Variants in CDH4 observed in about 807,000 individuals in gnomAD.
CDH4 encodes cadherin 4.
A neutral mutation model predicts 86.0 loss-of-function variants in CDH4; 33 were observed. The ratio of observed to expected loss-of-function variants is 0.38; its 90% CI spans 0.29 to 0.51. The LOEUF (loss-of-function observed/expected upper bound fraction) is 0.51, where lower values mean the gene tolerates loss of function less well. Among genes scored for constraint, CDH4 ranks in the 20% least tolerant of loss-of-function variants. The pLI, the probability that CDH4 is intolerant of heterozygous loss-of-function variation, is 0.86. For missense variants in CDH4, 1,114 were observed against 1,307.4 expected (o/e 0.85, Z 2.28); for synonymous variants, 555 against 549.4 (o/e 1.01, Z -0.14).
chr20:61,455,655 T>G (rs1438347437), intron 2 of CDH4, among the ~76,000 whole-genome samples: 1 of 152,194 alleles, frequency 6.6e-6, no homozygotes, highest in Non-Finnish European at 1.5e-5. Context: ...GTGCATTCAC[T>G]GCCCCGGCCT....
intron 2 of CDH4, among the ~76,000 whole-genome samples, chr20:61,707,495 G>A (rs1433414205): frequency 2.6e-5 from 4 of 152,236 alleles, no homozygotes; most frequent in East Asian, 1.9e-4. Context: ...GTGGACACGT[G>A]TGAGTGCCGT....
At chr20:61,432,771 C>T (rs2085254854) in intron 2 of CDH4, among the ~76,000 whole-genome samples, 1 of 151,584 alleles carries the variant, frequency 6.6e-6, no homozygotes, top group Non-Finnish European at 1.5e-5. Flanking sequence ...ACCTCAAAGT[C>T]ACCTCATGTT....
chr20:61,565,331 ATGGTGGTAGTGGTCCTCT>A (rs2086282764), intron 2 of CDH4, among the ~76,000 whole-genome samples: 3 of 16,532 alleles, frequency 1.8e-4, no homozygotes, highest in South Asian at 5.7e-3. Flanking sequence ...GCTCTTGGTG[ATGGTGGTAGTGGTCCTCT>A]TGGTGATGGG....
intron 2 of CDH4, among the ~76,000 whole-genome samples, chr20:61,413,368 C>T (rs1459956300): frequency 1.3e-5 from 2 of 152,108 alleles, no homozygotes; most frequent in Non-Finnish European, 2.9e-5. Flanking sequence ...AGGGGTGTGT[C>T]ACCAGCTTGC....
intron 2 of CDH4, among the ~76,000 whole-genome samples, chr20:61,574,424 C>T (rs1240322887): frequency 1.3e-5 from 2 of 152,222 alleles, no homozygotes; most frequent in South Asian, 2.1e-4. Context: ...AGAGAAGGCA[C>T]AGCCTTTAAA....
At chr20:61,648,450 C>T (rs551397390) in intron 2 of CDH4, among the ~76,000 whole-genome samples, 4 of 152,294 alleles carry the variant, frequency 2.6e-5, no homozygotes, top group African/African-American at 9.6e-5. Flanking sequence ...CAGGTCCAAC[C>T]GAGCTGGAGG....
At chr20:61,738,561 A>G (rs868863) in intron 2 of CDH4, 86,253 of 152,076 alleles carry the variant, frequency 0.57, 24,712 homozygotes, top group East Asian at 0.65. Flanking sequence ...GTGGGGGCCA[A>G]CACCCCAGCA....
intron 2 of CDH4, among the ~76,000 whole-genome samples, chr20:61,732,031 T>C (rs944737146): frequency 6.6e-6 from 1 of 152,146 alleles, no homozygotes; most frequent in African/African-American, 2.4e-5. Flanking sequence ...GACTCTGTCC[T>C]CTCTCTCCCT....
chr20:61,565,504 G>A (rs2086291050), intron 2 of CDH4, among the ~76,000 whole-genome samples: 1 of 151,780 alleles, frequency 6.6e-6, no homozygotes, highest in Admixed American at 6.6e-5. Flanking sequence ...CACCTCCTTG[G>A]GGCTGTTTCA....
intron 2 of CDH4, among the ~76,000 whole-genome samples, chr20:61,376,056 G>GGTC: frequency 9.5e-6 from 1 of 105,710 alleles, no homozygotes. Context: ...TCTTGGTGGT[G>GGTC]ATGGTGTGGT....
chr20:61,874,427 G>A (rs910016935), intron 7 of CDH4, among the ~76,000 whole-genome samples: 1 of 152,156 alleles, frequency 6.6e-6, no homozygotes, highest in Non-Finnish European at 1.5e-5. Flanking sequence ...GGTTCCATGC[G>A]CTCCCACCTC....
chr20:61,278,692 G>A (rs185495787), intron 2 of CDH4, among the ~76,000 whole-genome samples: 16 of 152,338 alleles, frequency 1.1e-4, no homozygotes, highest in African/African-American at 3.6e-4. Context: ...GGGACTTTGG[G>A]AGAGAAGGGG....
Position 61,677,959 on chromosome 20 carries a change from TAATA to T in CDH4, c.170-65600_170-65597del, listed in dbSNP as rs1189290556. Among the ~76,000 whole-genome samples, 4 of 152,140 alleles carry T rather than the reference TAATA, an allele frequency of 2.6e-5. No individual in the cohort carries two copies. In the South Asian group the frequency reaches 6.2e-4, roughly 24 times the overall value. On this transcript the variant is annotated intron_variant, in intron 2 of 15. Transcript: ENST00000614565. ...GATGTTTGGAGGAATGGATGATAGA[TAATA>T]AATTATAGATAGATGGATAGATGAT...
chr20:61,835,631 C>G (rs931841483), intron 4 of CDH4, among the ~76,000 whole-genome samples: 1 of 152,210 alleles, frequency 6.6e-6, no homozygotes, highest in East Asian at 1.9e-4. Context: ...CAGGGCTTCC[C>G]GTGGGGTGAG....
At chr20:61,862,198 G>C (rs1349129989) in intron 6 of CDH4, among the ~76,000 whole-genome samples, 1 of 152,164 alleles carries the variant, frequency 6.6e-6, no homozygotes, top group African/African-American at 2.4e-5. Context: ...TTGACACCCG[G>C]AGAGTCACTC....
chr20:61,881,018 C>A (rs1357301161), intron 7 of CDH4, among the ~76,000 whole-genome samples: 1 of 152,174 alleles, frequency 6.6e-6, no homozygotes, highest in Non-Finnish European at 1.5e-5. Flanking sequence ...AGGTGACCCC[C>A]AACCAACTCA....
chr20:61,287,560 A>T (rs917081948), intron 2 of CDH4, among the ~76,000 whole-genome samples: 2 of 152,126 alleles, frequency 1.3e-5, no homozygotes, highest in South Asian at 2.1e-4. Flanking sequence ...TTCACAAGGG[A>T]TGCCCCATTG....
At chr20:61,353,692 CT>C (rs2084729344) in intron 2 of CDH4, among the ~76,000 whole-genome samples, 2 of 46,834 alleles carry the variant, frequency 4.3e-5, no homozygotes, top group Non-Finnish European at 8.7e-5. Context: ...CCCCCTCCTC[CT>C]CCCCTCCTCC....
Position 61,609,079 on chromosome 20 carries a change from G to A in CDH4, c.170-134484G>A, listed in dbSNP as rs78495336. The stretch of plus-strand genomic sequence containing the variant: ...GCCAGTTTTCCTTCTCAGGTTTTGC[G>A]GCTACAGGGACCCCCTCAAGCATCA... On this transcript the variant is annotated intron_variant, in intron 2 of 15. Coordinates refer to ENST00000614565, the MANE Select transcript of CDH4 (RefSeq NM_001794.5). 6.0e-3 allele frequency among the ~76,000 whole-genome samples: 911 copies of A among 152,252 alleles called. 4 individuals are homozygous for A. Among genetic ancestry groups the A allele is most frequent in the Middle Eastern group, 0.024 (7 of 294 alleles).
Sources: allele counts gnomAD v4.1 joint callset (sites outside exome capture counted in the v4.1 genomes callset), GRCh38; gene constraint gnomAD v4.1.1; transcripts MANE v1.5; gene names NCBI Gene and HGNC (gene_info 2026-07-23, HGNC 2026-07-21).